The following GRIP1 variants were observed in gnomAD, a reference collection of about 807,000 sequenced individuals.
The protein encoded by GRIP1 is glutamate receptor-interacting protein 1.
A neutral mutation model predicts 129.9 loss-of-function variants in GRIP1; 45 were observed. The ratio of observed to expected loss-of-function variants is 0.35; its 90% CI spans 0.27 to 0.44. The LOEUF (loss-of-function observed/expected upper bound fraction) is 0.44. Among genes scored for constraint, GRIP1 ranks in the 20% least tolerant of loss-of-function variants. The pLI is 1.00. For synonymous variants in GRIP1, 530 were observed against 520.8 expected (o/e 1.02, Z -0.24); for missense variants, 1,196 against 1,396.8 (o/e 0.86, Z 2.29).
chr12:66,596,751 AT>A, intron 2 of GRIP1, 95 bp downstream of exon 2: 1 of 732,484 alleles, frequency 1.4e-6, no homozygotes, highest in South Asian at 1.5e-5. Flanking sequence ...ATTTATTATT[AT>A]TATTATTATT....
At chr12:66,361,919 G>A (rs73331039) in intron 23 of GRIP1, among the ~76,000 whole-genome samples, 3,507 of 152,208 alleles carry the variant, frequency 0.023, 143 homozygotes, top group African/African-American at 0.078. Context: ...CTCGGGGCCT[G>A]TGGGACTGAA....
intron 19 of GRIP1, among the ~76,000 whole-genome samples, chr12:66,383,618 G>C (rs754730956): frequency 6.6e-6 from 1 of 152,166 alleles, no homozygotes; most frequent in Non-Finnish European, 1.5e-5. Flanking sequence ...TGTGCTGTGC[G>C]GTAAGCAAGC....
intron 1 of GRIP1, among the ~76,000 whole-genome samples, chr12:66,884,438 T>A (rs907408729): frequency 6.6e-6 from 1 of 152,150 alleles, no homozygotes; most frequent in Non-Finnish European, 1.5e-5. Context: ...TTAGGATAAA[T>A]GATACATTTA....
At chr12:67,013,890 T>C (rs2042745875) in intron 1 of GRIP1, among the ~76,000 whole-genome samples, 1 of 152,222 alleles carries the variant, frequency 6.6e-6, no homozygotes, top group Non-Finnish European at 1.5e-5. Flanking sequence ...TTGGAATTCT[T>C]CAGGCCTTGG....
chr12:66,738,769 G>T (rs775205343), intron 1 of GRIP1, among the ~76,000 whole-genome samples: 5 of 152,164 alleles, frequency 3.3e-5, no homozygotes, highest in African/African-American at 4.8e-5. Flanking sequence ...GTGGGCATAA[G>T]AGAGTTAAGT....
At chr12:67,037,299 G>A (rs1314557804) in intron 1 of GRIP1, 1 of 149,702 alleles carries the variant, frequency 6.7e-6, no homozygotes, top group East Asian at 2.0e-4. Flanking sequence ...CTGTACTCCA[G>A]CCTGGGCAAC....
intron 1 of GRIP1, among the ~76,000 whole-genome samples, chr12:66,981,293 T>A (rs947896847): frequency 3.1e-5 from 2 of 65,534 alleles, no homozygotes; most frequent in African/African-American, 8.8e-5. Flanking sequence ...TACCTTCTTA[T>A]AATTATTTGT....
intron 1 of GRIP1, among the ~76,000 whole-genome samples, chr12:66,641,555 G>A (rs1455530662): frequency 1.3e-5 from 2 of 152,182 alleles, no homozygotes; most frequent in Admixed American, 6.5e-5. Context: ...ACATGAAAAT[G>A]AGCAAAAGCT....
chr12:66,535,759 C>T (rs772279260), intron 4 of GRIP1, among the ~76,000 whole-genome samples: 9 of 152,156 alleles, frequency 5.9e-5, no homozygotes, highest in Admixed American at 3.9e-4. Context: ...GTGAAGAATA[C>T]GAACTTGTGA....
intron 1 of GRIP1, among the ~76,000 whole-genome samples, chr12:66,622,583 G>A (rs1435691945): frequency 6.6e-6 from 1 of 152,090 alleles, no homozygotes; most frequent in Admixed American, 6.6e-5. Context: ...TATATACAAT[G>A]TGAGAGGCTA....
At chr12:66,907,273 A>G (rs148650554) in intron 1 of GRIP1, among the ~76,000 whole-genome samples, 159 of 152,324 alleles carry the variant, frequency 1.0e-3, no homozygotes, top group African/African-American at 3.2e-3. Flanking sequence ...GTCGGGGAAA[A>G]TAAAGTAAGA....
chr12:66,432,636 C>A lies in GRIP1; in HGVS notation c.1688-8G>T, dbSNP rs751746052. 13 of 1,543,340 alleles carry A rather than the reference C, an allele frequency of 8.4e-6. No homozygotes were observed. The Admixed American group carries it at 1.5e-4, about 18-fold the overall frequency. On this transcript the variant is annotated splice_region_variant and splice_polypyrimidine_tract_variant and intron_variant, in intron 13 of 24. Coordinates refer to ENST00000359742, the MANE Select transcript of GRIP1 (RefSeq NM_001366722.1). ...TACTTGGGATGACAGACTCTAATAT[C>A]AAAACAAAAAAGAATGTGTTAATAG...
intron 1 of GRIP1, among the ~76,000 whole-genome samples, chr12:66,729,279 G>GT (rs2036354095): frequency 6.6e-6 from 1 of 151,908 alleles, no homozygotes; most frequent in African/African-American, 2.4e-5. Context: ...TTAATTTTAG[G>GT]TTTTTGGCTA....
At chr12:66,579,765 C>T (rs984054180) in intron 2 of GRIP1, among the ~76,000 whole-genome samples, 2 of 151,676 alleles carry the variant, frequency 1.3e-5, no homozygotes, top group African/African-American at 4.8e-5. Context: ...TGTGAAAAGA[C>T]CAAATCTACA....
intron 1 of GRIP1, among the ~76,000 whole-genome samples, chr12:66,701,180 C>T (rs1289309491): frequency 6.6e-6 from 1 of 152,164 alleles, no homozygotes. Context: ...TCCTCTACTA[C>T]TTTCCCCTAT....
intron 13 of GRIP1, among the ~76,000 whole-genome samples, chr12:66,438,044 T>C (rs1233341896): frequency 1.3e-5 from 2 of 152,260 alleles, no homozygotes; most frequent in Non-Finnish European, 2.9e-5. Context: ...TGTTCTGTTA[T>C]TGTAGTTAAC....
At chr12:66,626,461 G>A (rs934106712) in intron 1 of GRIP1, among the ~76,000 whole-genome samples, 17 of 151,874 alleles carry the variant, frequency 1.1e-4, no homozygotes, top group Non-Finnish European at 1.6e-4. Context: ...TAAATACTAC[G>A]TGTGCACAAC....
At chr12:66,542,000 A>C (rs1033647200) in intron 2 of GRIP1, 50 bp from the exon 3 acceptor site, 1 of 1,535,780 alleles carries the variant, frequency 6.5e-7, no homozygotes, top group African/African-American at 1.4e-5. Context: ...AGAATCACCA[A>C]TGTCATTTCT....
chr12:66,675,699 T>C (rs1387542396), intron 1 of GRIP1, among the ~76,000 whole-genome samples: 1 of 152,148 alleles, frequency 6.6e-6, no homozygotes, highest in African/African-American at 2.4e-5. Flanking sequence ...GATTTGGCTC[T>C]AAGGTTGGGT....
Sources: allele counts gnomAD v4.1 joint callset (sites outside exome capture counted in the v4.1 genomes callset), GRCh38; gene constraint gnomAD v4.1.1; transcripts MANE v1.5; gene names NCBI Gene and HGNC (gene_info 2026-07-23, HGNC 2026-07-21).